Variants in FAM178B observed in about 807,000 individuals in gnomAD.
The protein encoded by FAM178B is protein FAM178B.
Under a neutral mutation model 91.7 loss-of-function variants are expected in FAM178B, and 82 were observed. The ratio of observed to expected loss-of-function variants is 0.89; its 90% confidence interval spans 0.75 to 1.07. FAM178B has a LOEUF of 1.07. Ranked by LOEUF, FAM178B falls within the 50% of genes least tolerant of loss-of-function variation. The pLI is 0.00. For missense variants in FAM178B, 769 were observed against 846.7 expected, an observed-to-expected ratio of 0.91 and a Z score of 1.14; for synonymous variants, 368 against 359.4, an observed-to-expected ratio of 1.02 and a Z score of -0.27.
chr2:96,877,873 G>C lies in FAM178B; in HGVS notation c.2007+17C>G, dbSNP rs769632620. 1.2e-6 allele frequency: 2 copies of C among 1,610,648 alleles called. No homozygotes were observed. The highest frequency in any genetic ancestry group is 1.1e-5 in the South Asian group (1 of 90,936). The stretch of plus-strand genomic sequence containing the variant: ...CTTCCCGCCCCTCCCAGGTCTGGGG[G>C]CTAGAGGGGGCACCACCTGGGGCTG... On this transcript the variant is annotated intron_variant, in intron 16 of 16. Coordinates refer to ENST00000490605, the MANE Select transcript of FAM178B (RefSeq NM_001122646.3).
intron 8 of FAM178B, among the ~76,000 whole-genome samples, chr2:96,935,816 A>G (rs1447453350): frequency 2.0e-5 from 3 of 150,834 alleles, no homozygotes; most frequent in Non-Finnish European, 4.4e-5. Context: ...GTACTTTTTT[A>G]GTAGACAGGG....
At chr2:96,924,212 T>C (rs566176900) in intron 9 of FAM178B, among the ~76,000 whole-genome samples, 2 of 151,558 alleles carry the variant, frequency 1.3e-5, no homozygotes, top group African/African-American at 2.4e-5. Flanking sequence ...ACACTTCCAA[T>C]CCCCCCAAAG....
chr2:96,969,603 C>G lies in FAM178B; in HGVS notation c.626+1113G>C, dbSNP rs2082189994. Among the ~76,000 whole-genome samples the G allele has an allele frequency of 2.6e-5, 4 of 152,244 alleles. No homozygotes were observed. The South Asian group carries it at 8.3e-4, about 32-fold the overall frequency. On this transcript the variant is annotated intron_variant, in intron 4 of 16. Transcript: ENST00000490605. ...ACAAGCAGTCACGAGGAGGCCCCAGCTGCTCATTTTCCTGCCAATATTTTC... is the reference window on the plus strand; with the variant it reads ...ACAAGCAGTCACGAGGAGGCCCCAGGTGCTCATTTTCCTGCCAATATTTTC...
chr2:96,891,002 C>A (rs1170473851), intron 14 of FAM178B, among the ~76,000 whole-genome samples: 2 of 152,210 alleles, frequency 1.3e-5, no homozygotes, highest in Non-Finnish European at 2.9e-5. Context: ...AGAAGCTCTT[C>A]AAAATGCTAA....
At position 96,877,871 on chromosome 2, in the gene FAM178B, G is replaced by A. The variant is rs745615209; in HGVS notation, c.2007+19C>T. The A allele has an allele frequency of 1.9e-6, 3 of 1,610,324 alleles. No individual in the cohort carries two copies. The highest frequency in any genetic ancestry group is 1.7e-5 in the Admixed American group (1 of 59,932). On this transcript the variant is annotated intron_variant, in intron 16 of 16. Coordinates refer to ENST00000490605, the MANE Select transcript of FAM178B (RefSeq NM_001122646.3). ...CACTTCCCGCCCCTCCCAGGTCTGG[G>A]GGCTAGAGGGGGCACCACCTGGGGC...
At position 96,972,524 on chromosome 2, in the gene FAM178B, TGAGA is replaced by T. The variant is rs1020251722; in HGVS notation, c.142+10_142+13del. The T allele has an allele frequency of 2.1e-5, 33 of 1,551,464 alleles. No individual in the cohort carries two copies. The African/African-American group carries it at 4.2e-4, about 20-fold the overall frequency. ...CTCAGTGGGGATTTACCTGTGCAGG[TGAGA>T]GACGCCTACCTTCTCTCAGAGGAAG... On this transcript the variant is annotated intron_variant, in intron 2 of 16. Transcript: ENST00000490605.
At chr2:96,967,214 G>T (rs2082153671) in intron 5 of FAM178B, among the ~76,000 whole-genome samples, 1 of 101,458 alleles carries the variant, frequency 9.9e-6, no homozygotes, top group Non-Finnish European at 2.2e-5. Context: ...TTAGATTGTG[G>T]TTTTGTGTAG....
chr2:96,895,561 G>C (rs909231928), intron 13 of FAM178B, among the ~76,000 whole-genome samples: 4 of 152,370 alleles, frequency 2.6e-5, no homozygotes, highest in Admixed American at 2.6e-4. Flanking sequence ...CCCAGCCCCA[G>C]CAAGGACTGC....
chr2:96,897,048 G>A (rs1374082111), intron 13 of FAM178B, among the ~76,000 whole-genome samples: 3 of 152,178 alleles, frequency 2.0e-5, no homozygotes, highest in Non-Finnish European at 4.4e-5. Flanking sequence ...TGTATTTTTA[G>A]TAGAGACAGG....
chr2:96,895,302 TTC>T (rs2080799960), intron 13 of FAM178B: 2 of 364,058 alleles, frequency 5.5e-6, no homozygotes, highest in South Asian at 2.1e-5. Context: ...GTGTTCAGTT[TTC>T]TCTGTCTCTA....
At chr2:96,882,194 C>T (rs2080401703) in intron 14 of FAM178B, among the ~76,000 whole-genome samples, 2 of 152,242 alleles carry the variant, frequency 1.3e-5, no homozygotes, top group African/African-American at 4.8e-5. Context: ...CCCACCCTCC[C>T]ACCAGACCCC....
chr2:96,898,794 C>T (rs2153369052), intron 13 of FAM178B, among the ~76,000 whole-genome samples: 1 of 152,348 alleles, frequency 6.6e-6, no homozygotes, highest in South Asian at 2.1e-4. Context: ...CAGGACACAG[C>T]TGTGCTGTTG....
chr2:96,896,779 A>G (rs956391430), intron 13 of FAM178B, among the ~76,000 whole-genome samples: 5 of 152,070 alleles, frequency 3.3e-5, no homozygotes, highest in Non-Finnish European at 7.4e-5. Context: ...GGGCCTTCTG[A>G]CCAGACAGCA....
At position 96,904,023 on chromosome 2, in the gene FAM178B, G is replaced by A. The variant is rs556631751; in HGVS notation, c.1563-1316C>T. Among the ~76,000 whole-genome samples the A allele has an allele frequency of 4.6e-5, 7 of 152,282 alleles. No homozygotes were observed. In the East Asian group the frequency reaches 1.3e-3, roughly 29 times the overall value. Reference sequence around the variant, plus strand: ...GGGGCCATGCCAGGTGCTGGTGGGGGCGCAGGGTTATGGGCACTCACACAC... The same window carrying A: ...GGGGCCATGCCAGGTGCTGGTGGGGACGCAGGGTTATGGGCACTCACACAC... On this transcript the variant is annotated intron_variant, in intron 12 of 16. Transcript: ENST00000490605.
chr2:96,882,944 A>G (rs979022849), intron 14 of FAM178B, among the ~76,000 whole-genome samples: 3 of 152,260 alleles, frequency 2.0e-5, no homozygotes, highest in Admixed American at 2.0e-4. Context: ...ACTGACAAGA[A>G]AAGCCCAGCC....
chr2:96,927,237 C>G (rs945952162), intron 9 of FAM178B, among the ~76,000 whole-genome samples: 1 of 152,206 alleles, frequency 6.6e-6, no homozygotes, highest in Admixed American at 6.5e-5. Context: ...TTTTCGCCAT[C>G]CTCCTACCCC....
intron 14 of FAM178B, among the ~76,000 whole-genome samples, chr2:96,887,991 T>C (rs1371351025): frequency 1.3e-5 from 2 of 152,112 alleles, no homozygotes; most frequent in Non-Finnish European, 2.9e-5. Flanking sequence ...AGCTTAACTC[T>C]CTCACTTCAA....
chr2:96,886,138 T>C (rs963184439), intron 14 of FAM178B, among the ~76,000 whole-genome samples: 3 of 152,224 alleles, frequency 2.0e-5, no homozygotes, highest in Non-Finnish European at 4.4e-5. Flanking sequence ...ACAGGGATGC[T>C]GCACACGTCC....
chr2:96,911,998 G>A (rs58448521), intron 12 of FAM178B, among the ~76,000 whole-genome samples: 8,596 of 152,198 alleles, frequency 0.056, 812 homozygotes, highest in African/African-American at 0.19. Flanking sequence ...CTGAGGCCTC[G>A]GGTGCAGATG....
Sources: gnomAD v4.1 joint callset for allele counts (sites outside exome capture counted in the v4.1 genomes callset) on GRCh38, gnomAD v4.1.1 for gene constraint, MANE v1.5 for transcripts, NCBI Gene and HGNC (gene_info 2026-07-23, HGNC 2026-07-21) for gene names.